Variants in RIMBP2 observed in about 807,000 individuals in gnomAD.
The protein encoded by RIMBP2 is RIMS binding protein 2, also known as RIMS-binding protein 2.
RIMBP2 carries 48 observed loss-of-function variants against 118.6 expected under a neutral mutation model. The observed-to-expected ratio is 0.40, with a 90% CI of 0.32 to 0.51. The LOEUF (loss-of-function observed/expected upper bound fraction) is 0.51, where lower values mean the gene tolerates loss of function less well. Ranked by LOEUF, RIMBP2 falls within the 20% of genes least tolerant of loss-of-function variation. The pLI is 0.41. For synonymous variants in RIMBP2, 762 were observed against 742.9 expected (o/e 1.03, Z -0.42); for missense variants, 1,551 against 1,768.3 (o/e 0.88, Z 2.20).
At chr12:130,667,073 G>GAGAAA (rs2063965488) in intron 1 of RIMBP2, among the ~76,000 whole-genome samples, 5 of 66,982 alleles carry the variant, frequency 7.5e-5, no homozygotes, top group Admixed American at 1.3e-4. Context: ...AGAAGGGAGG[G>GAGAAA]AGGAAAAAAT....
chr12:130,453,793 C>A (rs2079193771), intron 7 of RIMBP2, among the ~76,000 whole-genome samples: 1 of 152,208 alleles, frequency 6.6e-6, no homozygotes, highest in African/African-American at 2.4e-5. Flanking sequence ...GTGGCTCACA[C>A]CTGTAATCCC....
At chr12:130,715,563 C>A (rs1950269986) in intron 1 of RIMBP2, among the ~76,000 whole-genome samples, 1 of 152,224 alleles carries the variant, frequency 6.6e-6, no homozygotes, top group South Asian at 2.1e-4. Flanking sequence ...GGCCAGCAGC[C>A]CGCGCACACT....
At chr12:130,448,779 T>C (rs1459900614) in intron 9 of RIMBP2, among the ~76,000 whole-genome samples, 7 of 152,232 alleles carry the variant, frequency 4.6e-5, no homozygotes, top group African/African-American at 7.2e-5. Flanking sequence ...TGGGCTGGAT[T>C]CTAATGGGAG....
chr12:130,712,365 C>T (rs1949982973), intron 1 of RIMBP2, among the ~76,000 whole-genome samples: 1 of 152,194 alleles, frequency 6.6e-6, no homozygotes, highest in Admixed American at 6.5e-5. Context: ...TTTATATCCT[C>T]ATCTATTTGC....
rs373689611 is a variant in RIMBP2, at chr12:130,478,902, C to T, written c.102+10G>A. On this transcript the variant is annotated intron_variant, in intron 5 of 22. Coordinates refer to ENST00000690449, the MANE Select transcript of RIMBP2 (RefSeq NM_001393629.1). Reference sequence around the variant, plus strand: ...GCCTCGCACGCCGCGCCCGGCTGCCCGCCGCTTACCTTCTGCAGAAGGTCA... The same window carrying T: ...GCCTCGCACGCCGCGCCCGGCTGCCTGCCGCTTACCTTCTGCAGAAGGTCA... 1.9e-5 allele frequency: 30 copies of T among 1,606,048 alleles called. No individual in the cohort carries two copies. The highest frequency in any genetic ancestry group is 1.3e-4 in the South Asian group (12 of 90,588).
chr12:130,411,989 A>G (rs1369996466), intron 19 of RIMBP2, among the ~76,000 whole-genome samples: 1 of 152,162 alleles, frequency 6.6e-6, no homozygotes, highest in African/African-American at 2.4e-5. Context: ...AGCTTTTTAG[A>G]AAAAGCAGAG....
chr12:130,640,472 C>A (rs1303866204), intron 1 of RIMBP2, among the ~76,000 whole-genome samples: 1 of 152,216 alleles, frequency 6.6e-6, no homozygotes, highest in Non-Finnish European at 1.5e-5. Context: ...TTCAGAATTT[C>A]ATTTTCCGTT....
At chr12:130,604,964 T>C (rs975030160) in intron 2 of RIMBP2, among the ~76,000 whole-genome samples, 3 of 151,940 alleles carry the variant, frequency 2.0e-5, no homozygotes, top group African/African-American at 4.8e-5. Flanking sequence ...ATACCTACTA[T>C]TGTGTTACAG....
At chr12:130,639,648 C>G (rs552800515) in intron 1 of RIMBP2, among the ~76,000 whole-genome samples, 2 of 151,904 alleles carry the variant, frequency 1.3e-5, no homozygotes, top group South Asian at 4.2e-4. Flanking sequence ...AGGCTGGGCT[C>G]ATTCAGATGA....
chr12:130,545,959 G>GA (rs1319103577), intron 2 of RIMBP2, among the ~76,000 whole-genome samples: 1 of 152,152 alleles, frequency 6.6e-6, no homozygotes, highest in Non-Finnish European at 1.5e-5. Context: ...GCGCAGTAGG[G>GA]AAAAAATCTT....
rs1419979626 is a variant in RIMBP2 at position 130,464,097 on chromosome 12, A to G, written c.153+6596T>C. On this transcript the variant is annotated intron_variant, in intron 6 of 22. Coordinates refer to ENST00000690449, the MANE Select transcript of RIMBP2 (RefSeq NM_001393629.1). ...GCCCACCCTCCCCCGACAAAAACTC[A>G]TGAACAATCTACCCCTTTTCAGCAT... is the stretch of plus-strand genomic sequence containing the variant. Among the ~76,000 whole-genome samples, 3 of 152,068 alleles carry G rather than the reference A, an allele frequency of 2.0e-5. No individual in the cohort carries two copies. The East Asian group carries it at 5.8e-4, about 29-fold the overall frequency.
At chr12:130,653,831 G>A (rs914668718) in intron 1 of RIMBP2, among the ~76,000 whole-genome samples, 3 of 152,204 alleles carry the variant, frequency 2.0e-5, no homozygotes, top group African/African-American at 7.2e-5. Context: ...CAGAACTCTG[G>A]CCCAAGCTAC....
chr12:130,526,282 C>T (rs926854985), intron 2 of RIMBP2, among the ~76,000 whole-genome samples: 4 of 149,616 alleles, frequency 2.7e-5, no homozygotes, highest in Admixed American at 6.7e-5. Context: ...TTTGTGGGCC[C>T]TCCTGTGCCG....
chr12:130,619,242 A>C (rs538370930), intron 2 of RIMBP2, among the ~76,000 whole-genome samples: 4 of 152,336 alleles, frequency 2.6e-5, no homozygotes, highest in African/African-American at 9.6e-5. Flanking sequence ...TCCCTTCCTC[A>C]ATGAGGTCCA....
At chr12:130,432,695 G>A (rs1412008388) in intron 14 of RIMBP2, among the ~76,000 whole-genome samples, 4 of 152,182 alleles carry the variant, frequency 2.6e-5, no homozygotes, top group Non-Finnish European at 4.4e-5. Context: ...TGCAGGCCTC[G>A]GGGAGGCCTC....
At position 130,506,687 on chromosome 12, in the gene RIMBP2, C is replaced by T; in HGVS notation, c.-43G>A. 1 of 985,706 alleles carries T rather than the reference C, an allele frequency of 1.0e-6. No individual in the cohort carries two copies. Among genetic ancestry groups the T allele is most frequent in the Non-Finnish European group, 1.2e-6 (1 of 829,932 alleles). 61.1% of individuals were successfully genotyped at this position (985,706 alleles called of 1,614,324 possible). On this transcript the variant is annotated 5_prime_UTR_variant, in exon 4 of 23. Transcript: ENST00000690449. ...CTAGGTTCTCCAGCTTGGCTTGGAGCTGGTGTTTCTCCTTCACGGCCAAAT... is the reference window on the plus strand; with the variant it reads ...CTAGGTTCTCCAGCTTGGCTTGGAGTTGGTGTTTCTCCTTCACGGCCAAAT...
At chr12:130,545,779 T>C (rs2055080742) in intron 2 of RIMBP2, among the ~76,000 whole-genome samples, 1 of 152,220 alleles carries the variant, frequency 6.6e-6, no homozygotes, top group African/African-American at 2.4e-5. Context: ...CCGCCAGCCA[T>C]CACTGCTGCC....
intron 1 of RIMBP2, among the ~76,000 whole-genome samples, chr12:130,675,027 C>A (rs750555468): frequency 6.6e-6 from 1 of 152,174 alleles, no homozygotes; most frequent in Non-Finnish European, 1.5e-5. Context: ...GAGGGGCGTG[C>A]AGTGAGCTTT....
chr12:130,564,859 G>T (rs2057102171), intron 2 of RIMBP2, among the ~76,000 whole-genome samples: 1 of 152,034 alleles, frequency 6.6e-6, no homozygotes, highest in Non-Finnish European at 1.5e-5. Flanking sequence ...GTGTTAAGAG[G>T]GTAGACTCAA....
Sources: gnomAD v4.1 joint callset for allele counts (sites outside exome capture counted in the v4.1 genomes callset) on GRCh38, gnomAD v4.1.1 for gene constraint, MANE v1.5 for transcripts, NCBI Gene and HGNC (gene_info 2026-07-23, HGNC 2026-07-21) for gene names.